The following FOXK1 variants were observed in gnomAD, a reference collection of about 807,000 sequenced individuals.
The protein encoded by FOXK1 is forkhead box K1, also known as forkhead box protein K1.
In FOXK1, 19 loss-of-function variants were observed where a neutral mutation model predicts 51.9. The observed-to-expected ratio is 0.37, with a 90% CI of 0.26 to 0.54. The LOEUF is 0.54. Among genes scored for constraint, FOXK1 ranks in the 20% least tolerant of loss-of-function variants. The pLI, the probability that FOXK1 is intolerant of heterozygous loss-of-function variation, is 0.87. For missense variants in FOXK1, 870 were observed against 1,032.7 expected, an observed-to-expected ratio of 0.84 and a Z score of 2.16; for synonymous variants, 537 against 482.6, an observed-to-expected ratio of 1.11 and a Z score of -1.48.
At chr7:4,701,076 G>A (rs574765992) in intron 1 of FOXK1, among the ~76,000 whole-genome samples, 3 of 152,326 alleles carry the variant, frequency 2.0e-5, no homozygotes, top group African/African-American at 4.8e-5. Context: ...CAGCAGGGGC[G>A]GCCGCTCACC....
At chr7:4,740,290 C>T (rs922216467) in intron 1 of FOXK1, among the ~76,000 whole-genome samples, 41 of 152,012 alleles carry the variant, frequency 2.7e-4, no homozygotes, top group African/African-American at 1.7e-4. Flanking sequence ...ATTAGCCGGG[C>T]GTGGTGGCGG....
Position 4,723,841 on chromosome 7 carries a change from T to A in FOXK1, c.561-16997T>A, listed in dbSNP as rs908405069. 5.9e-5 allele frequency among the ~76,000 whole-genome samples: 9 copies of A among 152,114 alleles called. No individual in the cohort carries two copies. The highest frequency in any genetic ancestry group is 1.3e-4 in the Non-Finnish European group (9 of 68,004). ...CACCACCACACCTGGCTGACTTCTT[T>A]GTATTTTTGGTAAAGATGGGGATCT... On this transcript the variant is annotated intron_variant, in intron 1 of 8. Coordinates refer to ENST00000328914, the MANE Select transcript of FOXK1 (RefSeq NM_001037165.2). This position sits in a 1 kb window ranked among gnomAD's most constrained non-coding sequence, Gnocchi z 4.7.
intron 2 of FOXK1, among the ~76,000 whole-genome samples, chr7:4,742,632 G>T (rs1052406711): frequency 6.6e-6 from 1 of 152,100 alleles, no homozygotes; most frequent in Non-Finnish European, 1.5e-5. Flanking sequence ...GCCCAGGCTG[G>T]TCTGAAACCC....
chr7:4,698,533 T>C (rs1025855658), intron 1 of FOXK1, among the ~76,000 whole-genome samples: 11 of 152,186 alleles, frequency 7.2e-5, no homozygotes, highest in South Asian at 2.1e-4. Flanking sequence ...GATTAGCTCA[T>C]GTGCAGTCCA....
intron 2 of FOXK1, among the ~76,000 whole-genome samples, chr7:4,752,337 G>T (rs1780790315): frequency 6.6e-6 from 1 of 152,180 alleles, no homozygotes; most frequent in African/African-American, 2.4e-5. Context: ...AGAGATGGGG[G>T]TGTCACTATG....
At chr7:4,691,170 C>G (rs1225285318) in intron 1 of FOXK1, among the ~76,000 whole-genome samples, 1 of 152,178 alleles carries the variant, frequency 6.6e-6, no homozygotes, top group Non-Finnish European at 1.5e-5. Flanking sequence ...ACTCGCCTCA[C>G]CTGACCCATT....
chr7:4,728,584 ACTC>A (rs1284003714), intron 1 of FOXK1, among the ~76,000 whole-genome samples: 3 of 151,534 alleles, frequency 2.0e-5, no homozygotes, highest in African/African-American at 7.3e-5. Context: ...AGCAGATGGG[ACTC>A]CTCCTCCAGG....
At chr7:4,710,361 G>A (rs1001848284) in intron 1 of FOXK1, among the ~76,000 whole-genome samples, 8 of 152,268 alleles carry the variant, frequency 5.3e-5, no homozygotes, top group East Asian at 1.9e-4. Context: ...GATCACCTGA[G>A]GTCAGGAGTT....
At chr7:4,741,731 T>A (rs577310197) in intron 2 of FOXK1, among the ~76,000 whole-genome samples, 5 of 152,382 alleles carry the variant, frequency 3.3e-5, no homozygotes, top group Admixed American at 6.5e-5. Context: ...GAAATTAATC[T>A]AGATTTTGAA....
chr7:4,710,727 C>A (rs114246401), intron 1 of FOXK1, among the ~76,000 whole-genome samples: 5 of 152,082 alleles, frequency 3.3e-5, no homozygotes, highest in Non-Finnish European at 7.4e-5. Flanking sequence ...GGCGAGGGTG[C>A]GGTGGTGGCT....
chr7:4,751,583 C>T (rs147476367), intron 2 of FOXK1, among the ~76,000 whole-genome samples: 16 of 152,318 alleles, frequency 1.1e-4, no homozygotes, highest in African/African-American at 1.9e-4. Flanking sequence ...GGCCTGGTAT[C>T]GGGGGCCTTG....
chr7:4,757,274 C>T (rs926098892), intron 5 of FOXK1, 87 bp downstream of exon 5: 11 of 1,201,754 alleles, frequency 9.2e-6, no homozygotes, highest in Admixed American at 6.8e-5. Flanking sequence ...GTCAGCCCTC[C>T]GGATCTGTGG....
Position 4,730,525 on chromosome 7 carries a change from G to T in FOXK1, c.561-10313G>T, listed in dbSNP as rs1780437276. On this transcript the variant is annotated intron_variant, in intron 1 of 8. Coordinates refer to ENST00000328914, the MANE Select transcript of FOXK1 (RefSeq NM_001037165.2). This position sits in a 1 kb window ranked among gnomAD's most constrained non-coding sequence, Gnocchi z 4.7. Reference sequence around the variant, plus strand: ...CAGTGCTGGTTCCGTGTCTGTCGGGGAGGGGATGGACGTTTGTGTTGCTGT... The same window carrying T: ...CAGTGCTGGTTCCGTGTCTGTCGGGTAGGGGATGGACGTTTGTGTTGCTGT... Among the ~76,000 whole-genome samples the T allele has an allele frequency of 1.3e-5, 2 of 152,350 alleles. No homozygotes were observed. The highest frequency in any genetic ancestry group is 4.1e-4 in the South Asian group (2 of 4,824).
At chr7:4,700,865 T>C (rs766843797) in intron 1 of FOXK1, among the ~76,000 whole-genome samples, 6 of 152,140 alleles carry the variant, frequency 3.9e-5, no homozygotes, top group Non-Finnish European at 7.4e-5. Context: ...ACATAGACAG[T>C]GCTGATAGAT....
rs57978112 is a variant in FOXK1 at position 4,697,741 on chromosome 7, CTGTGTGTGTGTGTG to C, written c.560+14909_560+14922del. ...AGTGTTTACATACAGGAAAGATAGG[CTGTGTGTGTGTGTG>C]TGTGTGTGTGTGTGTGTGTGTGTGT... On this transcript the variant is annotated intron_variant, in intron 1 of 8. Transcript: ENST00000328914. 4.1e-3 allele frequency among the ~76,000 whole-genome samples: 561 copies of C among 135,690 alleles called. 1 individual carries two copies. The highest frequency in any genetic ancestry group is 6.2e-3 in the African/African-American group (224 of 36,162). The allele number at this position is 135,690 out of a possible 152,430, so 89.0% of individuals were successfully genotyped here.
rs1780816593 is a variant in FOXK1 at position 4,754,463 on chromosome 7, C to A, written c.751C>A (p.Pro251Thr). 1 of 1,612,756 alleles carries A rather than the reference C, an allele frequency of 6.2e-7. No individual in the cohort carries two copies. The highest frequency in any genetic ancestry group is 1.3e-5 in the African/African-American group (1 of 74,954). ...VPSPTGTISV[P>T]NSCPASPRGA... ...AGTGTCCTTCTCTCTCCTCAGTGTCCCCAACTCCTGCCCAGCCAGTCCACG... is the reference window on the plus strand; with the variant it reads ...AGTGTCCTTCTCTCTCCTCAGTGTCACCAACTCCTGCCCAGCCAGTCCACG... The change falls in exon 3 of 9, where the codon CCC (proline) becomes ACC (threonine). Residue 251 changes from proline to threonine, a missense_variant. Physicochemically the swap from Pro to Thr is conservative, Grantham distance 38. Coordinates refer to ENST00000328914, the MANE Select transcript of FOXK1 (RefSeq NM_001037165.2).
chr7:4,759,365 G>A lies in FOXK1; in HGVS notation c.1466G>A (p.Ser489Asn), dbSNP rs1401117725. Reference protein sequence around the residue: ...VIMAVPPRPSSLVAKPVAYMP... With the variant: ...VIMAVPPRPSNLVAKPVAYMP... ...ATGGCCGTGCCTCCCCGACCGTCCAGCCTCGTGGCCAAGCCCGTGGCCTAC... is the reference window on the plus strand; with the variant it reads ...ATGGCCGTGCCTCCCCGACCGTCCAACCTCGTGGCCAAGCCCGTGGCCTAC... Residue 489 changes from serine (S) to asparagine (N), a missense_variant, in exon 7 of 9, where the codon AGC becomes AAC. Coordinates refer to ENST00000328914, the MANE Select transcript of FOXK1 (RefSeq NM_001037165.2). 3 of 1,602,460 alleles carry A rather than the reference G, an allele frequency of 1.9e-6. No homozygotes were observed. The highest frequency in any genetic ancestry group is 1.1e-5 in the South Asian group (1 of 90,874).
At chr7:4,698,043 T>G (rs1779975622) in intron 1 of FOXK1, among the ~76,000 whole-genome samples, 1 of 152,132 alleles carries the variant, frequency 6.6e-6, no homozygotes, top group South Asian at 2.1e-4. Flanking sequence ...CAGGCTGGCC[T>G]TGAACTCCTG....
intron 3 of FOXK1, 87 bp downstream of exon 3, chr7:4,754,702 G>A (rs1780820397): frequency 1.4e-6 from 2 of 1,464,576 alleles, no homozygotes; most frequent in Non-Finnish European, 1.8e-6. Context: ...ACAGCCCAGG[G>A]CCTGCGGGCG....
Sources: allele counts gnomAD v4.1 joint callset (sites outside exome capture counted in the v4.1 genomes callset), GRCh38; gene constraint gnomAD v4.1.1; non-coding constraint Gnocchi (gnomAD v3.1); transcripts MANE v1.5; gene names NCBI Gene and HGNC (gene_info 2026-07-23, HGNC 2026-07-21).